Variants in SPHKAP observed in about 807,000 individuals in gnomAD.
The protein encoded by SPHKAP is SPHK1 interactor, AKAP domain containing.
Under a neutral mutation model 137.5 loss-of-function variants are expected in SPHKAP, and 67 were observed. The observed-to-expected ratio is 0.49, with a 90% CI of 0.40 to 0.60. The LOEUF (loss-of-function observed/expected upper bound fraction) is 0.60. SPHKAP is among the 20% of genes least tolerant of loss of function. The pLI is 0.00. For synonymous variants in SPHKAP, 813 were observed against 785.3 expected (o/e 1.04, Z -0.59); for missense variants, 2,097 against 2,069.3 (o/e 1.01, Z -0.26).
intron 11 of SPHKAP, among the ~76,000 whole-genome samples, chr2:227,986,582 G>C (rs1365393478): frequency 1.3e-5 from 2 of 152,092 alleles, no homozygotes; most frequent in African/African-American, 2.4e-5. Flanking sequence ...AAAAAAATTT[G>C]TTAAAGTCAA....
At chr2:228,015,284 G>A (rs1397982961) in intron 7 of SPHKAP, among the ~76,000 whole-genome samples, 2 of 151,810 alleles carry the variant, frequency 1.3e-5, no homozygotes, top group East Asian at 3.9e-4. Flanking sequence ...GTATTCCATG[G>A]TGTATATGTG....
At position 227,991,169 on chromosome 2, in the gene SPHKAP, G is replaced by C; in HGVS notation, c.4790C>G (p.Pro1597Arg). The C allele has an allele frequency of 6.2e-7, 1 of 1,613,982 alleles. No individual in the cohort carries two copies. The highest frequency in any genetic ancestry group is 8.5e-7 in the Non-Finnish European group (1 of 1,179,968). The stretch of plus-strand genomic sequence containing the variant: ...CTGGGGGCTGGCTGTTCCCGTAGGC[G>C]GTCCAGATGCAGGTGCTGAGAACAG... ...SESTEAPASG[P>R]PTGTASPQRS... Residue 1597 changes from proline to arginine, a missense_variant, in exon 11 of 12, where the codon CCG becomes CGG. Physicochemically the swap from Pro to Arg is moderately radical, Grantham distance 103. Transcript: ENST00000392056.
chr2:228,090,485 T>A (rs1194914932), intron 3 of SPHKAP, among the ~76,000 whole-genome samples: 2 of 152,176 alleles, frequency 1.3e-5, no homozygotes, highest in Admixed American at 1.3e-4. Context: ...GAGTTGAGAC[T>A]TTTGGGGACT....
chr2:228,114,154 G>C (rs1368205317), intron 2 of SPHKAP, among the ~76,000 whole-genome samples: 1 of 152,114 alleles, frequency 6.6e-6, no homozygotes, highest in Non-Finnish European at 1.5e-5. Context: ...ACTTATTTTA[G>C]ATGAAGAGCT....
At chr2:227,999,991 T>C (rs1693788090) in intron 7 of SPHKAP, among the ~76,000 whole-genome samples, 1 of 152,230 alleles carries the variant, frequency 6.6e-6, no homozygotes, top group African/African-American at 2.4e-5. Flanking sequence ...ATGTTCTATA[T>C]AGGCTTTGAC....
At chr2:228,159,587 T>A (rs532494093) in intron 1 of SPHKAP, among the ~76,000 whole-genome samples, 67 of 152,276 alleles carry the variant, frequency 4.4e-4, no homozygotes, top group African/African-American at 1.5e-3. Flanking sequence ...AAAAGAGGCT[T>A]TTAAAAGGAT....
At chr2:228,152,523 T>C (rs1699967525) in intron 1 of SPHKAP, among the ~76,000 whole-genome samples, 1 of 151,064 alleles carries the variant, frequency 6.6e-6, no homozygotes, top group Admixed American at 6.6e-5. Context: ...TTTTGTTTAA[T>C]TTTTTTAAAA....
At chr2:228,014,258 G>C (rs1184400347) in intron 7 of SPHKAP, among the ~76,000 whole-genome samples, 5 of 152,126 alleles carry the variant, frequency 3.3e-5, no homozygotes, top group Non-Finnish European at 7.4e-5. Flanking sequence ...TGTTAAAGAA[G>C]ACTCCAAGTC....
At chr2:227,995,481 C>T in intron 8 of SPHKAP, 28 bp downstream of exon 8, 1 of 1,613,486 alleles carries the variant, frequency 6.2e-7, no homozygotes, top group South Asian at 1.1e-5. Flanking sequence ...GACCAATTTC[C>T]CTGGGAATTC....
chr2:228,066,778 T>C (rs554538177), intron 3 of SPHKAP, among the ~76,000 whole-genome samples: 24 of 152,336 alleles, frequency 1.6e-4, no homozygotes, highest in African/African-American at 5.8e-4. Flanking sequence ...CATTCTTCCA[T>C]GATAAATTTT....
In SPHKAP at chr2:228,018,168, C is replaced by G; in HGVS notation, c.2686G>C (p.Glu896Gln). Residue 896 changes from glutamate (E) to glutamine (Q), a missense_variant, in exon 7 of 12, where the codon GAA becomes CAA. By Grantham distance (29) the Glu-to-Gln change is conservative (BLOSUM62 2). Coordinates refer to ENST00000392056, the MANE Select transcript of SPHKAP (RefSeq NM_001142644.2). ...AACAAGGACAGGTTGACTTGAACTTCGTTGATGCGAGATGTGGCACAGTTG... is the reference window on the plus strand; with the variant it reads ...AACAAGGACAGGTTGACTTGAACTTGGTTGATGCGAGATGTGGCACAGTTG... ...KYNCATSRIN[E>Q]VQVNLSLLGD... The G allele has an allele frequency of 6.2e-7, 1 of 1,614,170 alleles. No individual in the cohort carries two copies. Among genetic ancestry groups the G allele is most frequent in the Non-Finnish European group, 8.5e-7 (1 of 1,180,028 alleles).
chr2:228,122,589 A>G (rs1393969554), intron 2 of SPHKAP, among the ~76,000 whole-genome samples: 1 of 152,198 alleles, frequency 6.6e-6, no homozygotes, highest in Non-Finnish European at 1.5e-5. Context: ...CCACATTGAC[A>G]TCTTCTAGAG....
chr2:228,026,774 G>A (rs1418448573), intron 4 of SPHKAP, among the ~76,000 whole-genome samples: 3 of 152,198 alleles, frequency 2.0e-5, no homozygotes, highest in African/African-American at 7.2e-5. Flanking sequence ...GGTTTGAGAA[G>A]CTTGAAGTGC....
intron 1 of SPHKAP, chr2:228,132,716 G>C (rs1699291951): frequency 1.3e-5 from 2 of 154,082 alleles, no homozygotes. Context: ...ATTTAAAATT[G>C]GCTGAGCATG....
chr2:228,018,327 T>C lies in SPHKAP; in HGVS notation c.2527A>G (p.Thr843Ala), dbSNP rs116336001. The C allele has an allele frequency of 2.0e-4, 316 of 1,614,218 alleles. 3 individuals carry two copies. The African/African-American group carries it at 2.2e-3, about 11-fold the overall frequency. ...IYLKGIAGED[T>A]KSPHHSENEC... is the part of the protein sequence containing the mutation. ...TTCTCACTGTGATGAGGGCTTTTTG[T>C]ATCCTCTCCTGCTATTCCTTTCAGA... Residue 843 changes from threonine to alanine, a missense_variant, in exon 7 of 12, where the codon ACA becomes GCA. Coordinates refer to ENST00000392056, the MANE Select transcript of SPHKAP (RefSeq NM_001142644.2).
At position 228,017,789 on chromosome 2, in the gene SPHKAP, A is replaced by T. The variant is rs1375464722; in HGVS notation, c.3065T>A (p.Val1022Glu). The change falls in exon 7 of 12, where the codon GTG becomes GAG. Residue 1022 changes from valine to glutamate, a missense_variant. Physicochemically the swap from Val to Glu is moderately radical, Grantham distance 121. Coordinates refer to ENST00000392056, the MANE Select transcript of SPHKAP (RefSeq NM_001142644.2). The part of the protein sequence containing the change: ...ELKEKLMNRV[V>E]DESMNLEDVP... Reference sequence around the variant, plus strand: ...ATCTTCAAGGTTCATGGACTCATCCACAACCCTGTTCATCAGCTTTTCTTT... The same window carrying T: ...ATCTTCAAGGTTCATGGACTCATCCTCAACCCTGTTCATCAGCTTTTCTTT... The T allele has an allele frequency of 3.7e-6, 6 of 1,614,138 alleles. No individual in the cohort carries two copies. The highest frequency in any genetic ancestry group is 4.2e-6 in the Non-Finnish European group (5 of 1,180,040).
chr2:228,022,410 A>G (rs1165215046), intron 5 of SPHKAP, among the ~76,000 whole-genome samples: 4 of 152,148 alleles, frequency 2.6e-5, no homozygotes, highest in Non-Finnish European at 5.9e-5. Flanking sequence ...AATTGGCTTT[A>G]CCCAAAGAAA....
intron 3 of SPHKAP, among the ~76,000 whole-genome samples, chr2:228,100,115 G>T (rs942110588): frequency 1.3e-5 from 2 of 152,092 alleles, no homozygotes; most frequent in African/African-American, 4.8e-5. Context: ...CTCCCAAAGT[G>T]CTGGGATTAC....
intron 1 of SPHKAP, among the ~76,000 whole-genome samples, chr2:228,174,784 T>C (rs759099339): frequency 2.0e-5 from 3 of 152,274 alleles, no homozygotes; most frequent in Non-Finnish European, 4.4e-5. Context: ...ATCATGATTA[T>C]AATTTAAATG....
Sources: gnomAD v4.1 joint callset for allele counts (sites outside exome capture counted in the v4.1 genomes callset) on GRCh38, gnomAD v4.1.1 for gene constraint, MANE v1.5 for transcripts, NCBI Gene and HGNC (gene_info 2026-07-23, HGNC 2026-07-21) for gene names.